Variants in ROBO2 observed in about 807,000 individuals in gnomAD.
ROBO2 encodes roundabout homolog 2.
A neutral mutation model predicts 160.8 loss-of-function variants in ROBO2; 53 were observed. The observed-to-expected ratio is 0.33, with a 90% confidence interval of 0.26 to 0.41. The LOEUF (loss-of-function observed/expected upper bound fraction) is 0.41. Among genes scored for constraint, ROBO2 ranks in the 10% least tolerant of loss-of-function variants. The pLI is 1.00. For missense variants in ROBO2, 1,577 were observed against 1,722.4 expected, an observed-to-expected ratio of 0.92 and a Z score of 1.49; for synonymous variants, 664 against 611.7, an observed-to-expected ratio of 1.09 and a Z score of -1.26.
intron 2 of ROBO2, among the ~76,000 whole-genome samples, chr3:76,732,851 C>T (rs780497806): frequency 6.6e-6 from 1 of 152,088 alleles, no homozygotes; most frequent in African/African-American, 2.4e-5. Context: ...TGTTCTAATA[C>T]GCATTGGAGA....
At chr3:77,262,803 T>C (rs1217451410) in intron 2 of ROBO2, among the ~76,000 whole-genome samples, 1 of 152,138 alleles carries the variant, frequency 6.6e-6, no homozygotes, top group African/African-American at 2.4e-5. Flanking sequence ...TCCTCCCACA[T>C]TCCCCAGCAT....
Position 76,392,528 on chromosome 3 carries a change from G to A in ROBO2, c.109+454926G>A, listed in dbSNP as rs149865079. ...AAAAAATGGGAATCATGACTGAGTAGCTATTTGACTGATTTTAAGAAATCT... is the reference window on the plus strand; with the variant it reads ...AAAAAATGGGAATCATGACTGAGTAACTATTTGACTGATTTTAAGAAATCT... On this transcript the variant is annotated intron_variant, in intron 2 of 26. Coordinates refer to the ROBO2 transcript ENST00000487694. Among the ~76,000 whole-genome samples the A allele has an allele frequency of 4.7e-3, 712 of 152,212 alleles. 6 individuals are homozygous for A. The highest frequency in any genetic ancestry group is 0.016 in the African/African-American group (658 of 41,522).
chr3:76,723,042 A>G (rs1052996448), intron 2 of ROBO2, among the ~76,000 whole-genome samples: 1 of 152,198 alleles, frequency 6.6e-6, no homozygotes, highest in African/African-American at 2.4e-5. Context: ...CTAATTTTAC[A>G]TACTAAAATT....
At position 76,987,971 on chromosome 3, in the gene ROBO2, G is replaced by A. The variant is rs192215477; in HGVS notation, c.110-110043G>A. On this transcript the variant is annotated intron_variant, in intron 2 of 26. Coordinates refer to the ROBO2 transcript ENST00000487694. Reference sequence around the variant, plus strand: ...ATAATCTATAAAGATCATTTGTCATGATATATGCTTTTATTTTTGAAAATT... The same window carrying A: ...ATAATCTATAAAGATCATTTGTCATAATATATGCTTTTATTTTTGAAAATT... Among the ~76,000 whole-genome samples, 821 of 152,078 alleles carry A rather than the reference G, an allele frequency of 5.4e-3. 12 individuals carry two copies. Among genetic ancestry groups the A allele is most frequent in the African/African-American group, 0.018 (750 of 41,502 alleles).
intron 2 of ROBO2, among the ~76,000 whole-genome samples, chr3:76,576,111 C>T (rs1359232582): frequency 6.6e-6 from 1 of 151,786 alleles, no homozygotes; most frequent in African/African-American, 2.4e-5. Context: ...ATTCTAATTC[C>T]ATGTTTGGCA....
At chr3:76,000,965 C>A (rs1048649939) in intron 2 of ROBO2, among the ~76,000 whole-genome samples, 3 of 152,086 alleles carry the variant, frequency 2.0e-5, no homozygotes, top group African/African-American at 7.2e-5. Context: ...TCTATTTTCA[C>A]ATCTTTAAGA....
chr3:76,190,397 C>T (rs994627727), intron 2 of ROBO2, among the ~76,000 whole-genome samples: 3 of 151,982 alleles, frequency 2.0e-5, no homozygotes, highest in Admixed American at 6.6e-5. Context: ...GCAATAAAAA[C>T]GAAGTATGTA....
intron 2 of ROBO2, among the ~76,000 whole-genome samples, chr3:75,988,347 T>C (rs2065473202): frequency 6.6e-6 from 1 of 152,158 alleles, no homozygotes; most frequent in African/African-American, 2.4e-5. Context: ...TATAATACTT[T>C]TTATTTATGC....
In ROBO2 at chr3:77,303,836, G is replaced by A. The variant is rs73106075; in HGVS notation, c.389-173578G>A. ...ATATATATGCAAGTGCTAGGGATAA[G>A]CAGAAATGTATCTGGGGACATGGAA... On this transcript the variant is annotated intron_variant, in intron 2 of 25. Coordinates refer to ENST00000461745, the Ensembl canonical transcript of ROBO2. Among the ~76,000 whole-genome samples the A allele has an allele frequency of 9.0e-3, 1,362 of 152,096 alleles. 7 individuals are homozygous for A. Among genetic ancestry groups the A allele is most frequent in the Non-Finnish European group, 0.016 (1,070 of 67,992 alleles).
chr3:76,486,706 T>C (rs1486141587), intron 2 of ROBO2, among the ~76,000 whole-genome samples: 2 of 152,190 alleles, frequency 1.3e-5, no homozygotes, highest in Admixed American at 1.3e-4. Context: ...ATGTTCCTGT[T>C]ATTTAGCAGT....
chr3:76,916,011 C>T (rs1577453729), intron 2 of ROBO2, among the ~76,000 whole-genome samples: 1 of 152,228 alleles, frequency 6.6e-6, no homozygotes, highest in East Asian at 1.9e-4. Flanking sequence ...ACATGGGCTC[C>T]ACCCTCATGA....
intron 2 of ROBO2, among the ~76,000 whole-genome samples, chr3:77,447,326 G>A (rs2080638016): frequency 1.3e-5 from 2 of 151,908 alleles, no homozygotes; most frequent in Admixed American, 1.3e-4. Flanking sequence ...GTCAAGTGTT[G>A]GAATATTCAA....
At chr3:77,154,687 C>T (rs1464861024) in intron 2 of ROBO2, among the ~76,000 whole-genome samples, 1 of 151,918 alleles carries the variant, frequency 6.6e-6, no homozygotes, top group Non-Finnish European at 1.5e-5. Flanking sequence ...ATCCTATGAG[C>T]CATAAATAAA....
chr3:76,724,945 T>C (rs267123), intron 2 of ROBO2, among the ~76,000 whole-genome samples: 5 of 151,930 alleles, frequency 3.3e-5, no homozygotes, highest in African/African-American at 1.2e-4. Context: ...TGGCTGCAAT[T>C]CAGGGAACTC....
chr3:76,924,942 C>T (rs1038025385), intron 2 of ROBO2, among the ~76,000 whole-genome samples: 1 of 152,126 alleles, frequency 6.6e-6, no homozygotes, highest in African/African-American at 2.4e-5. Flanking sequence ...GGCGCGGTGG[C>T]TCACGCCTGT....
chr3:77,209,290 ATC>A (rs1157428444), intron 2 of ROBO2, among the ~76,000 whole-genome samples: 4 of 152,172 alleles, frequency 2.6e-5, no homozygotes, highest in Admixed American at 1.3e-4. Context: ...ATCAAAAAAC[ATC>A]TCTGTTGCTG....
intron 2 of ROBO2, among the ~76,000 whole-genome samples, chr3:76,534,087 TAAAG>T (rs970415313): frequency 3.3e-5 from 5 of 152,162 alleles, no homozygotes; most frequent in Non-Finnish European, 7.3e-5. Flanking sequence ...TAAGAAAAGA[TAAAG>T]AATATAAATT....
intron 2 of ROBO2, among the ~76,000 whole-genome samples, chr3:76,777,170 G>A (rs1198482639): frequency 6.6e-6 from 1 of 151,064 alleles, no homozygotes; most frequent in Non-Finnish European, 1.5e-5. Flanking sequence ...ATTAGATCCA[G>A]CAAGGCACAC....
chr3:76,584,756 T>G (rs924648064), intron 2 of ROBO2, among the ~76,000 whole-genome samples: 5 of 152,298 alleles, frequency 3.3e-5, no homozygotes, highest in African/African-American at 9.6e-5. Context: ...TTCACATATG[T>G]ACACACCATC....
Sources: gnomAD v4.1 joint callset for allele counts (sites outside exome capture counted in the v4.1 genomes callset) on GRCh38, gnomAD v4.1.1 for gene constraint, MANE v1.5 for transcripts, NCBI Gene and HGNC (gene_info 2026-07-23, HGNC 2026-07-21) for gene names.